SSBP4: variants seen among roughly 807,000 people sequenced by gnomAD.
SSBP4 encodes the protein single-stranded DNA-binding protein 4.
In SSBP4, 33 loss-of-function variants were observed where a neutral mutation model predicts 64.6. The observed-to-expected ratio is 0.51, with a 90% CI of 0.39 to 0.68. The LOEUF (loss-of-function observed/expected upper bound fraction) is 0.68. Ranked by LOEUF, SSBP4 falls within the 30% of genes least tolerant of loss-of-function variation. The probability of loss-of-function intolerance (pLI) is 0.00; values close to 1 mark genes in which losing one functional copy is unlikely to be tolerated. For synonymous variants in SSBP4, 243 were observed against 224.0 expected (o/e 1.08, Z -0.76); for missense variants, 583 against 566.8 (o/e 1.03, Z -0.29).
At chr19:18,415,597 GAGAGGA>G (rs763275313), upstream of SSBP4, among the ~76,000 whole-genome samples, 15 of 152,128 alleles carry the variant, frequency 9.9e-5, no homozygotes, top group African/African-American at 1.7e-4. Context: ...GAGGAGGAGG[GAGAGGA>G]AGAGGAAGAG....
At chr19:18,416,471 G>T (rs895400807), upstream of SSBP4, among the ~76,000 whole-genome samples, 7 of 152,102 alleles carry the variant, frequency 4.6e-5, no homozygotes, top group Non-Finnish European at 1.0e-4. Flanking sequence ...CTGCCACCAC[G>T]TGCGGCCTCC....
rs540219977 is a variant in SSBP4 at position 18,426,940 on chromosome 19, C to T, written c.60-411C>T. ...GGGGTGGAGGACCCCTTCCCTCCTT[C>T]CTTCCTGGGCCGGGGAGGCTGGGGA... On this transcript the variant is annotated intron_variant, in intron 1 of 17. Transcript: ENST00000270061. The surrounding 1 kb of genome is among the most constrained non-coding windows in gnomAD (Gnocchi z 4.5). 2.6e-5 allele frequency among the ~76,000 whole-genome samples: 4 copies of T among 152,194 alleles called. No individual in the cohort carries two copies. The East Asian group carries it at 7.7e-4, about 29-fold the overall frequency.
Position 18,432,213 on chromosome 19 carries a change from A to G in SSBP4, c.703A>G (p.Met235Val). Residue 235 changes from methionine (M) to valine (V), a missense_variant and splice_region_variant, in exon 10 of 18, where the codon ATG (methionine) becomes GTG (valine). Met to Val is a conservative substitution (Grantham distance 21). This residue lies in a region of SSBP4 where 444 missense variants were observed against 386.6 expected (regional missense o/e 1.15). Transcript: ENST00000270061. ...LAGPGLPAMNMGPGVRGPWAS... is the reference protein window; with the variant it reads ...LAGPGLPAMNVGPGVRGPWAS... ...CGGCCCAGGCCTGCCTGCCATGAAC[A>G]TGTAAGACCCTGGGGGATCCTAGGA... 4 of 1,613,042 alleles carry G rather than the reference A, an allele frequency of 2.5e-6. No homozygotes were observed. Among genetic ancestry groups the G allele is most frequent in the Non-Finnish European group, 3.4e-6 (4 of 1,179,928 alleles).
chr19:18,417,057 GCCTCCCTCCCTCCTTC>G (rs1192875732), upstream of SSBP4, among the ~76,000 whole-genome samples: 6 of 151,932 alleles, frequency 3.9e-5, 1 homozygote, highest in African/African-American at 9.6e-5. The surrounding 1 kb of genome is among the most constrained non-coding windows in gnomAD (Gnocchi z 5.4). Flanking sequence ...CGGCGCCTCA[GCCTCCCTCCCTCCTTC>G]CCTCCCTCCC....
upstream of SSBP4, chr19:18,419,054 G>C (rs1972240772): frequency 1.0e-6 from 1 of 985,532 alleles, no homozygotes; most frequent in Non-Finnish European, 1.2e-6. Flanking sequence ...TTCCAGCAGC[G>C]GGGTACACTT....
chr19:18,422,686 T>C (rs1972543432), intron 1 of SSBP4, among the ~76,000 whole-genome samples: 1 of 152,224 alleles, frequency 6.6e-6, no homozygotes, highest in African/African-American at 2.4e-5. Context: ...TTGCAAGGAC[T>C]GGGTGGGAGC....
At position 18,427,937 on chromosome 19, in the gene SSBP4, A is replaced by G. The variant is rs141820052; in HGVS notation, c.234A>G (p.Arg78=). The G allele has an allele frequency of 3.9e-5, 63 of 1,613,432 alleles. No homozygotes were observed. The highest frequency in any genetic ancestry group is 4.7e-5 in the Non-Finnish European group (56 of 1,179,876). ...WDLYCAAPDR[R]EACEHSGEAK... The stretch of plus-strand genomic sequence containing the variant: ...TGTACTGCGCGGCGCCTGACAGAAG[A>G]GAGGCCTGCGAGCACTCCGGCGAGG... Residue 78 remains arginine, a synonymous_variant, in exon 4 of 18, where the codon AGA becomes AGG. Coordinates refer to ENST00000270061, the MANE Select transcript of SSBP4 (RefSeq NM_032627.5). The surrounding 1 kb of genome is among the most constrained non-coding windows in gnomAD (Gnocchi z 4.4).
the SSBP4 span, among the ~76,000 whole-genome samples, chr19:18,412,679 C>T: frequency 7.9e-5 from 12 of 152,194 alleles, no homozygotes; most frequent in South Asian, 2.3e-3. Context: ...CCGTGATGAG[C>T]CTCAGTTTCC....
chr19:18,432,909 G>A, intron 13 of SSBP4, 26 bp downstream of exon 13: 1 of 1,614,034 alleles, frequency 6.2e-7, no homozygotes, highest in Non-Finnish European at 8.5e-7. Context: ...AGGTGGGGGT[G>A]TGCTAGGGTG....
At position 18,429,473 on chromosome 19, in the gene SSBP4, G is replaced by A. The variant is rs1482184855; in HGVS notation, c.280-1368G>A. Reference sequence around the variant, plus strand: ...GGAAGCTGCGGGTCGCAGGGGGCGGGGGGGGGGTGCGGTGGAGCGTCCCCG... The same window carrying A: ...GGAAGCTGCGGGTCGCAGGGGGCGGAGGGGGGGTGCGGTGGAGCGTCCCCG... On this transcript the variant is annotated intron_variant, in intron 4 of 17. Coordinates refer to ENST00000270061, the MANE Select transcript of SSBP4 (RefSeq NM_032627.5). 9.3e-4 allele frequency among the ~76,000 whole-genome samples: 78 copies of A among 84,132 alleles called. 1 individual carries two copies. The highest frequency in any genetic ancestry group is 1.1e-4 in the Non-Finnish European group (5 of 44,328). 55.2% of individuals were successfully genotyped at this position (84,132 alleles called of 152,430 possible).
chr19:18,433,492 G>C, intron 15 of SSBP4, 93 bp from the exon 16 acceptor site: 1 of 1,359,452 alleles, frequency 7.4e-7, no homozygotes, highest in Non-Finnish European at 1.0e-6. Flanking sequence ...GCGCGTCGGC[G>C]GGGGCAGCTT....
At chr19:18,430,969 G>A (rs1600340297) in intron 5 of SSBP4, 39 bp downstream of exon 5, 4 of 1,601,834 alleles carry the variant, frequency 2.5e-6, no homozygotes, top group East Asian at 2.2e-5. Context: ...CCCAACTCTG[G>A]CTGAACATGC....
At chr19:18,412,513 C>G in the SSBP4 span, among the ~76,000 whole-genome samples, 2 of 149,170 alleles carry the variant, frequency 1.3e-5, no homozygotes, top group Non-Finnish European at 3.0e-5. Flanking sequence ...TCTAGACAGA[C>G]GAGGTGAGGA....
At chr19:18,404,287 T>C in the SSBP4 span, among the ~76,000 whole-genome samples, 36 of 151,872 alleles carry the variant, frequency 2.4e-4, no homozygotes, top group South Asian at 5.2e-3. Context: ...CCCCAGAGAC[T>C]TTCAGAGACA....
chr19:18,432,279 C>T (rs963546878), intron 10 of SSBP4, 65 bp downstream of exon 10: 1 of 1,576,494 alleles, frequency 6.3e-7, no homozygotes, highest in Non-Finnish European at 8.7e-7. Context: ...ATGGCTGGGT[C>T]AGCTGGGGCA....
the SSBP4 span, among the ~76,000 whole-genome samples, chr19:18,406,345 A>T: frequency 1.3e-5 from 2 of 150,560 alleles, no homozygotes; most frequent in Non-Finnish European, 3.0e-5. Flanking sequence ...TATTATTATT[A>T]TCATTATTAT....
chr19:18,431,557 C>T lies in SSBP4; in HGVS notation c.436-90C>T, dbSNP rs1464426616. ...GGCTGGTTCTGGAGGAGGGGGCTCCCCAGGTCGGGGGCCCCAGCATAGCAG... is the reference window on the plus strand; with the variant it reads ...GGCTGGTTCTGGAGGAGGGGGCTCCTCAGGTCGGGGGCCCCAGCATAGCAG... On this transcript the variant is annotated intron_variant, in intron 6 of 17. Transcript: ENST00000270061. 4.7e-6 allele frequency: 7 copies of T among 1,480,926 alleles called. No individual in the cohort carries two copies. The African/African-American group carries it at 9.9e-5, about 21-fold the overall frequency. 91.7% of individuals were successfully genotyped at this position (1,480,926 alleles called of 1,614,324 possible).
chr19:18,416,207 G>A (rs1241722109), upstream of SSBP4, among the ~76,000 whole-genome samples: 1 of 152,134 alleles, frequency 6.6e-6, no homozygotes, highest in African/African-American at 2.4e-5. Context: ...TAGAGAGGGG[G>A]TTTCACCATG....
Position 18,433,419 on chromosome 19 carries a change from C to G in SSBP4, c.992-166C>G, listed in dbSNP as rs973991024. 2.0e-4 allele frequency: 274 copies of G among 1,347,092 alleles called. No individual in the cohort carries two copies. The African/African-American group carries it at 2.8e-3, about 14-fold the overall frequency. The allele number at this position is 1,347,092 out of a possible 1,614,324, so 83.4% of individuals were successfully genotyped here. ...GAGGATGCACTGACCGCCCCTCCCC[C>G]CCAGGCCCAACCCTCCACCTGGCCT... is the stretch of plus-strand genomic sequence containing the variant. On this transcript the variant is annotated intron_variant, in intron 15 of 17. Transcript: ENST00000270061.
Sources: gnomAD v4.1 joint callset for allele counts (sites outside exome capture counted in the v4.1 genomes callset) on GRCh38, gnomAD v4.1.1 for gene constraint, gnomAD v4.1.1 regional missense constraint, Gnocchi (gnomAD v3.1) non-coding constraint, MANE v1.5 for transcripts, NCBI Gene and HGNC (gene_info 2026-07-23, HGNC 2026-07-21) for gene names.